HERC3: variants seen among roughly 807,000 people sequenced by gnomAD.
The protein encoded by HERC3 is probable E3 ubiquitin-protein ligase HERC3.
Under a neutral mutation model 129.9 loss-of-function variants are expected in HERC3, and 58 were observed. The ratio of observed to expected loss-of-function variants is 0.45; its 90% CI spans 0.36 to 0.56. The LOEUF (loss-of-function observed/expected upper bound fraction) is 0.56. Among genes scored for constraint, HERC3 ranks in the 20% least tolerant of loss-of-function variants. The pLI is 0.00. For synonymous variants in HERC3, 430 were observed against 451.0 expected, an observed-to-expected ratio of 0.95 and a Z score of 0.59; for missense variants, 835 against 1,244.2, an observed-to-expected ratio of 0.67 and a Z score of 4.95.
the HERC3 span, among the ~76,000 whole-genome samples, chr4:88,530,092 C>T: frequency 2.0e-5 from 3 of 152,120 alleles, no homozygotes; most frequent in South Asian, 6.2e-4. Flanking sequence ...CAAGACCATC[C>T]TGGCCTGGCC....
the HERC3 span, among the ~76,000 whole-genome samples, chr4:88,551,082 A>T: frequency 3.3e-5 from 5 of 149,534 alleles, no homozygotes; most frequent in Non-Finnish European, 1.5e-5. Flanking sequence ...GGCTAGCCAT[A>T]TGTAGAAAGC....
chr4:88,646,958 T>C (rs976011170), intron 3 of HERC3, among the ~76,000 whole-genome samples: 3 of 152,200 alleles, frequency 2.0e-5, no homozygotes, highest in Admixed American at 2.0e-4. Flanking sequence ...TTTCCTGTTG[T>C]TCCTATTGTC....
At chr4:88,611,352 T>C (rs1294354855) in intron 3 of HERC3, among the ~76,000 whole-genome samples, 2 of 152,194 alleles carry the variant, frequency 1.3e-5, no homozygotes, top group Non-Finnish European at 2.9e-5. Flanking sequence ...CCTGGAGAGC[T>C]GCTAGACATG....
the HERC3 span, among the ~76,000 whole-genome samples, chr4:88,587,045 T>G: frequency 6.6e-6 from 1 of 152,158 alleles, no homozygotes; most frequent in African/African-American, 2.4e-5. Context: ...AAGAATAATC[T>G]GTTAACAACT....
the HERC3 span, among the ~76,000 whole-genome samples, chr4:88,582,209 T>G: frequency 2.0e-5 from 3 of 152,128 alleles, no homozygotes; most frequent in South Asian, 6.2e-4. Context: ...TGTTTTACAG[T>G]ATAACATTGA....
the HERC3 span, among the ~76,000 whole-genome samples, chr4:88,538,366 G>A: frequency 6.6e-6 from 1 of 152,152 alleles, no homozygotes; most frequent in Admixed American, 6.5e-5. Flanking sequence ...CTATAACAAA[G>A]TACCACAGAC....
chr4:88,689,177 C>A (rs1337392372), intron 23 of HERC3, among the ~76,000 whole-genome samples: 1 of 152,090 alleles, frequency 6.6e-6, no homozygotes, highest in African/African-American at 2.4e-5. Context: ...TCCAAGTGAT[C>A]TATCTTGATT....
Position 88,682,791 on chromosome 4 carries a change from A to C in HERC3, c.2507+1466A>C, listed in dbSNP as rs924229803. On this transcript the variant is annotated intron_variant, in intron 21 of 25. Transcript: ENST00000402738. ...AGTGCCGCAATAAACATACGTGTGC[A>C]TGTGTCTTTATAGCAGCATGATTTA... 9.9e-5 allele frequency among the ~76,000 whole-genome samples: 15 copies of C among 151,958 alleles called. 1 individual carries two copies. The highest frequency in any genetic ancestry group is 3.6e-4 in the African/African-American group (15 of 41,340).
At chr4:88,612,289 C>CTGTGTGTGTGTGTGTG (rs3220740) in intron 3 of HERC3, among the ~76,000 whole-genome samples, 89 of 141,696 alleles carry the variant, frequency 6.3e-4, no homozygotes, top group South Asian at 4.4e-3. Context: ...ATGTGACCAA[C>CTGTGTGTGTGTGTGTG]TGTGTGTGTG....
At chr4:88,656,592 C>T (rs1294000392) in intron 9 of HERC3, 2 of 152,622 alleles carry the variant, frequency 1.3e-5, no homozygotes, top group African/African-American at 4.8e-5. Flanking sequence ...CACATACCAC[C>T]ATGCCTCACC....
chr4:88,569,759 T>G, the HERC3 span, among the ~76,000 whole-genome samples: 1 of 152,216 alleles, frequency 6.6e-6, no homozygotes, highest in Non-Finnish European at 1.5e-5. Context: ...AGGATTTGGC[T>G]GGGAGGATTT....
intron 9 of HERC3, among the ~76,000 whole-genome samples, chr4:88,657,754 G>C (rs1730065523): frequency 6.6e-6 from 1 of 152,300 alleles, no homozygotes; most frequent in South Asian, 2.1e-4. Context: ...TTTGAGCTGT[G>C]CCTCGAAGGA....
chr4:88,530,506 G>A, the HERC3 span, among the ~76,000 whole-genome samples: 2 of 152,126 alleles, frequency 1.3e-5, no homozygotes, highest in African/African-American at 4.8e-5. Flanking sequence ...TGTCAGTATA[G>A]GTCTTATAGC....
At chr4:88,604,261 C>T (rs992413420) in intron 2 of HERC3, among the ~76,000 whole-genome samples, 10 of 152,166 alleles carry the variant, frequency 6.6e-5, no homozygotes, top group East Asian at 1.9e-4. Flanking sequence ...TCAGGTGGTC[C>T]GCCCGCCTTG....
rs1158643374 is a variant in HERC3, at chr4:88,680,095, A to T, written c.2199A>T (p.Val733=). The T allele has an allele frequency of 1.9e-6, 3 of 1,608,384 alleles. No homozygotes were observed. The highest frequency in any genetic ancestry group is 2.5e-6 in the Non-Finnish European group (3 of 1,178,146). Residue 733 remains valine (V), a splice_region_variant and synonymous_variant, in exon 20 of 26, where the codon GTA becomes GTT. Transcript: ENST00000402738. ...TAATTCTATTCTATTATTTTAAGGT[A>T]ATCTTTGATGGTGAAGAAGCAGTGG... is the stretch of plus-strand genomic sequence containing the variant. ...SDIDLKKPLK[V]IFDGEEAVDA... is the part of the protein sequence containing the mutation.
the HERC3 span, among the ~76,000 whole-genome samples, chr4:88,543,699 A>G: frequency 6.6e-6 from 1 of 152,216 alleles, no homozygotes; most frequent in Non-Finnish European, 1.5e-5. Context: ...ACGAAACAGC[A>G]TGGTACTGGC....
At chr4:88,696,508 C>T (rs1734615733) in intron 23 of HERC3, 1 of 149,164 alleles carries the variant, frequency 6.7e-6, no homozygotes, top group Admixed American at 6.9e-5. Context: ...GAGATTGTAA[C>T]TAATGAATAC....
At chr4:88,598,372 A>G (rs977648464) in intron 2 of HERC3, among the ~76,000 whole-genome samples, 12 of 152,294 alleles carry the variant, frequency 7.9e-5, no homozygotes, top group African/African-American at 2.4e-4. Context: ...ATGCACACAA[A>G]AAAACTTCCT....
At chr4:88,704,035 A>G in intron 23 of HERC3, 63 bp from the exon 24 acceptor site, 2 of 1,425,524 alleles carry the variant, frequency 1.4e-6, no homozygotes, top group Non-Finnish European at 2.0e-6. Flanking sequence ...TCAGTGTAGA[A>G]GGGTAACTTC....
Sources: allele counts gnomAD v4.1 joint callset (sites outside exome capture counted in the v4.1 genomes callset), GRCh38; gene constraint gnomAD v4.1.1; transcripts MANE v1.5; gene names NCBI Gene and HGNC (gene_info 2026-07-23, HGNC 2026-07-21).